The following TBC1D19 variants were observed in gnomAD, a reference collection of about 807,000 sequenced individuals.
TBC1D19 encodes TBC1 domain family, member 19.
TBC1D19 carries 60 observed loss-of-function variants against 89.0 expected under a neutral mutation model. The ratio of observed to expected loss-of-function variants is 0.67; its 90% CI spans 0.55 to 0.84. TBC1D19 has a LOEUF of 0.84. TBC1D19 is among the 40% of genes least tolerant of loss of function. The pLI, the probability that TBC1D19 is intolerant of heterozygous loss-of-function variation, is 0.00. For synonymous variants in TBC1D19, 189 were observed against 199.7 expected, an observed-to-expected ratio of 0.95 and a Z score of 0.45; for missense variants, 500 against 610.8, an observed-to-expected ratio of 0.82 and a Z score of 1.91.
chr4:26,691,076 T>C (rs1356088826), intron 13 of TBC1D19, among the ~76,000 whole-genome samples: 1 of 152,162 alleles, frequency 6.6e-6, no homozygotes, highest in Non-Finnish European at 1.5e-5. Context: ...TGGGTAACCT[T>C]GAGGGGTTCA....
At chr4:26,686,036 G>A (rs1713781245) in intron 12 of TBC1D19, among the ~76,000 whole-genome samples, 1 of 152,144 alleles carries the variant, frequency 6.6e-6, no homozygotes, top group Non-Finnish European at 1.5e-5. Flanking sequence ...ATGTTTTTAG[G>A]AAGATATCTG....
intron 13 of TBC1D19, among the ~76,000 whole-genome samples, chr4:26,706,984 A>G (rs187580458): frequency 1.3e-3 from 193 of 152,128 alleles, no homozygotes; most frequent in African/African-American, 4.2e-3. Context: ...GTGCATTTAC[A>G]TGGAATGTGT....
chr4:26,804,070 CAA>C, the TBC1D19 span, among the ~76,000 whole-genome samples: 1 of 148,896 alleles, frequency 6.7e-6, no homozygotes, highest in African/African-American at 2.5e-5. Flanking sequence ...ATAAAGAAAA[CAA>C]AACAAAACAG....
intron 1 of TBC1D19, among the ~76,000 whole-genome samples, chr4:26,611,868 G>C (rs576575828): frequency 2.0e-5 from 3 of 152,016 alleles, no homozygotes; most frequent in African/African-American, 7.2e-5. Context: ...TCCAGACTTT[G>C]GAAAGGGAGC....
At chr4:26,655,464 GC>G (rs1234694505) in intron 7 of TBC1D19, among the ~76,000 whole-genome samples, 8 of 152,318 alleles carry the variant, frequency 5.3e-5, no homozygotes, top group African/African-American at 1.9e-4. Context: ...TGCCCTGCCC[GC>G]AGAGGTGGAG....
chr4:26,699,361 C>G (rs1380004618), intron 13 of TBC1D19, among the ~76,000 whole-genome samples: 1 of 152,144 alleles, frequency 6.6e-6, no homozygotes, highest in Non-Finnish European at 1.5e-5. Flanking sequence ...AGTCAGGAAA[C>G]AACAGGTGCT....
intron 15 of TBC1D19, among the ~76,000 whole-genome samples, chr4:26,731,653 T>C (rs1717668436): frequency 6.6e-6 from 1 of 152,040 alleles, no homozygotes; most frequent in South Asian, 2.1e-4. Context: ...AGAGCTATAT[T>C]GAAGGAGTGC....
the TBC1D19 span, among the ~76,000 whole-genome samples, chr4:26,821,264 G>A: frequency 0.015 from 2,355 of 152,256 alleles, 67 homozygotes; most frequent in African/African-American, 0.054. Context: ...TTTCAAAGGA[G>A]TATCATAGTT....
the TBC1D19 span, among the ~76,000 whole-genome samples, chr4:26,812,602 A>G: frequency 3.3e-5 from 5 of 152,158 alleles, no homozygotes; most frequent in African/African-American, 1.2e-4. This position sits in a 1 kb window ranked among gnomAD's most constrained non-coding sequence, Gnocchi z 4.2. Flanking sequence ...GCCACATTGT[A>G]ACTACCAGTG....
At chr4:26,710,716 C>A (rs769988188) in intron 13 of TBC1D19, among the ~76,000 whole-genome samples, 10 of 152,100 alleles carry the variant, frequency 6.6e-5, no homozygotes, top group Middle Eastern at 6.8e-3. Context: ...TTTAATGATC[C>A]TCATTCTAAC....
intron 7 of TBC1D19, among the ~76,000 whole-genome samples, chr4:26,644,228 A>G (rs1178503350): frequency 1.3e-5 from 2 of 152,210 alleles, no homozygotes; most frequent in Admixed American, 1.3e-4. Flanking sequence ...ATCCACCAAG[A>G]TCAAGTCGGT....
upstream of TBC1D19, among the ~76,000 whole-genome samples, chr4:26,583,350 T>C (rs533585858): frequency 6.6e-6 from 1 of 152,316 alleles, no homozygotes; most frequent in South Asian, 2.1e-4. Flanking sequence ...CACAGTTCCT[T>C]TTATGTAAAT....
intron 7 of TBC1D19, among the ~76,000 whole-genome samples, chr4:26,657,425 T>TTATGGC (rs1744930670): frequency 6.6e-6 from 1 of 152,216 alleles, no homozygotes; most frequent in African/African-American, 2.4e-5. Context: ...TCATCCTTTT[T>TTATGGC]TATGGCTATG....
intron 17 of TBC1D19, among the ~76,000 whole-genome samples, chr4:26,740,178 T>C (rs1477004962): frequency 1.3e-5 from 2 of 152,204 alleles, no homozygotes; most frequent in Non-Finnish European, 2.9e-5. Context: ...AAAAAGTCTC[T>C]TGTCAACTAC....
At chr4:26,801,342 G>T in the TBC1D19 span, among the ~76,000 whole-genome samples, 1 of 152,032 alleles carries the variant, frequency 6.6e-6, no homozygotes, top group Non-Finnish European at 1.5e-5. Context: ...ATTTCTGAGG[G>T]TTCTGTTCTG....
chr4:26,835,836 G>C, the TBC1D19 span, among the ~76,000 whole-genome samples: 1 of 152,054 alleles, frequency 6.6e-6, no homozygotes, highest in African/African-American at 2.4e-5. Context: ...ACTTTGATGT[G>C]GCTCACCAGG....
chr4:26,723,124 C>G (rs1717082376), intron 15 of TBC1D19, among the ~76,000 whole-genome samples: 2 of 152,176 alleles, frequency 1.3e-5, no homozygotes, highest in African/African-American at 4.8e-5. Context: ...CACAGCTGTT[C>G]ATAAATTTAG....
intron 15 of TBC1D19, among the ~76,000 whole-genome samples, chr4:26,728,500 G>T (rs1717452744): frequency 6.6e-6 from 1 of 152,076 alleles, no homozygotes; most frequent in Non-Finnish European, 1.5e-5. Context: ...TGAAACAGCA[G>T]AGGCAGTAGG....
At chr4:26,640,587 C>T (rs62409936) in intron 7 of TBC1D19, among the ~76,000 whole-genome samples, 6,841 of 152,144 alleles carry the variant, frequency 0.045, 250 homozygotes, top group Non-Finnish European at 0.062. Context: ...GAGGGTGAGC[C>T]GAAGCAGGGA....
Sources: gnomAD v4.1 joint callset for allele counts (sites outside exome capture counted in the v4.1 genomes callset) on GRCh38, gnomAD v4.1.1 for gene constraint, Gnocchi (gnomAD v3.1) non-coding constraint, MANE v1.5 for transcripts, NCBI Gene and HGNC (gene_info 2026-07-23, HGNC 2026-07-21) for gene names.